The following CADPS variants were observed in gnomAD, a reference collection of about 807,000 sequenced individuals.
The protein encoded by CADPS is calcium-dependent secretion activator 1.
CADPS carries 57 observed loss-of-function variants against 167.3 expected under a neutral mutation model. The ratio of observed to expected loss-of-function variants is 0.34; its 90% CI spans 0.28 to 0.42. The LOEUF is 0.42. Ranked by LOEUF, CADPS falls within the 20% of genes least tolerant of loss-of-function variation. The probability of loss-of-function intolerance (pLI) is 1.00; values close to 1 mark genes in which losing one functional copy is unlikely to be tolerated. For synonymous variants in CADPS, 676 were observed against 635.3 expected (o/e 1.06, Z -0.96); for missense variants, 1,414 against 1,738.1 (o/e 0.81, Z 3.32).
rs2060045878 is a variant in CADPS, at chr3:62,602,031, A to C, written c.1326-9283T>G. On this transcript the variant is annotated intron_variant, in intron 6 of 29. Transcript: ENST00000383710. The surrounding 1 kb of genome is among the most constrained non-coding windows in gnomAD (Gnocchi z 4.4). ...CTCCTCAGACCATATGTTATCAACA[A>C]ATGTTGCTAATCAAATACACACAGT... Among the ~76,000 whole-genome samples, 1 of 152,140 alleles carries C rather than the reference A, an allele frequency of 6.6e-6. No homozygotes were observed. Among genetic ancestry groups the C allele is most frequent in the Non-Finnish European group, 1.5e-5 (1 of 68,038 alleles).
chr3:62,537,500 T>C (rs756946731), intron 11 of CADPS, among the ~76,000 whole-genome samples: 1 of 152,174 alleles, frequency 6.6e-6, no homozygotes, highest in African/African-American at 2.4e-5. Flanking sequence ...ATTAAAGAAA[T>C]TGGCTCACTC....
intron 21 of CADPS, among the ~76,000 whole-genome samples, chr3:62,489,343 G>A (rs1193383862): frequency 6.6e-6 from 1 of 152,084 alleles, no homozygotes; most frequent in Non-Finnish European, 1.5e-5. Flanking sequence ...TGTATTTTTA[G>A]TAGAGACGGG....
chr3:62,811,861 A>T (rs1057376246), intron 1 of CADPS, among the ~76,000 whole-genome samples: 7 of 152,326 alleles, frequency 4.6e-5, no homozygotes, highest in Admixed American at 4.6e-4. Context: ...ATTATGTGGG[A>T]GTATGAATTA....
At chr3:62,864,314 T>G (rs531132712) in intron 1 of CADPS, among the ~76,000 whole-genome samples, 3 of 152,160 alleles carry the variant, frequency 2.0e-5, no homozygotes, top group African/African-American at 2.4e-5. Flanking sequence ...GTAGAGATGT[T>G]AGTAGCTAAA....
At chr3:62,723,410 G>T (rs868173011) in intron 3 of CADPS, among the ~76,000 whole-genome samples, 55 of 152,212 alleles carry the variant, frequency 3.6e-4, no homozygotes, top group Admixed American at 9.8e-4. Context: ...GAGGAAAATG[G>T]ACACAGTGTA....
At chr3:62,649,543 CTT>C (rs369874258) in intron 5 of CADPS, among the ~76,000 whole-genome samples, 77 of 37,784 alleles carry the variant, frequency 2.0e-3, no homozygotes, top group African/African-American at 3.8e-3. Flanking sequence ...AATATGTGGT[CTT>C]TTTTTTTTTT....
intron 6 of CADPS, among the ~76,000 whole-genome samples, chr3:62,599,981 C>A (rs2059724106): frequency 8.8e-6 from 1 of 113,246 alleles, no homozygotes; most frequent in Middle Eastern, 4.3e-3. Context: ...GCACCCAACA[C>A]AGGGCCTGGA....
At chr3:62,584,667 TC>T (rs1259605182) in intron 8 of CADPS, among the ~76,000 whole-genome samples, 1 of 152,254 alleles carries the variant, frequency 6.6e-6, no homozygotes, top group East Asian at 1.9e-4. Flanking sequence ...TGGTCATTTT[TC>T]TCAAACCTTA....
At chr3:62,864,538 G>T (rs1178747638) in intron 1 of CADPS, among the ~76,000 whole-genome samples, 1 of 152,100 alleles carries the variant, frequency 6.6e-6, no homozygotes, top group Non-Finnish European at 1.5e-5. Context: ...CTGGTAATTT[G>T]CTGACAATCT....
At chr3:62,846,161 C>T (rs1191490380) in intron 1 of CADPS, among the ~76,000 whole-genome samples, 1 of 152,054 alleles carries the variant, frequency 6.6e-6, no homozygotes, top group Admixed American at 6.6e-5. Flanking sequence ...CCTCCCCAGC[C>T]TTGCCTCCTG....
intron 1 of CADPS, among the ~76,000 whole-genome samples, chr3:62,799,785 G>T (rs1441016523): frequency 1.3e-5 from 2 of 152,090 alleles, no homozygotes; most frequent in Non-Finnish European, 2.9e-5. Context: ...ATAAATGTTA[G>T]CCACTGTTAC....
chr3:62,700,829 G>T (rs2081255933), intron 3 of CADPS, among the ~76,000 whole-genome samples: 1 of 150,476 alleles, frequency 6.6e-6, no homozygotes. Flanking sequence ...CAGTCAGTTT[G>T]GGCTGCTATC....
chr3:62,809,242 C>A (rs897821072), intron 1 of CADPS, among the ~76,000 whole-genome samples: 1 of 152,160 alleles, frequency 6.6e-6, no homozygotes, highest in Admixed American at 6.5e-5. Flanking sequence ...AATCACGTTG[C>A]TCCTCCTGCC....
chr3:62,821,283 C>T (rs559708169), intron 1 of CADPS, among the ~76,000 whole-genome samples: 124 of 152,192 alleles, frequency 8.1e-4, no homozygotes, highest in African/African-American at 2.9e-3. Context: ...GCAGGCTCAC[C>T]TGGGTTCTCT....
At position 62,514,919 on chromosome 3, in the gene CADPS, C is replaced by A. The variant is rs959714026; in HGVS notation, c.2581+1140G>T. On this transcript the variant is annotated intron_variant, in intron 16 of 29. Coordinates refer to ENST00000383710, the MANE Select transcript of CADPS (RefSeq NM_003716.4). This position sits in a 1 kb window ranked among gnomAD's most constrained non-coding sequence, Gnocchi z 4.2. ...CATTACCAAGTCAAGAGTTGATAAA[C>A]ATCCTTTTGGTGCCCAATTCTTAAG... is the stretch of plus-strand genomic sequence containing the variant. Among the ~76,000 whole-genome samples, 1 of 152,108 alleles carries A rather than the reference C, an allele frequency of 6.6e-6. No individual in the cohort carries two copies. The highest frequency in any genetic ancestry group is 6.6e-5 in the Admixed American group (1 of 15,260).
Position 62,765,980 on chromosome 3 carries a change from C to A in CADPS, c.446G>T (p.Ser149Ile). Residue 149 changes from serine (S) to isoleucine (I), a missense_variant, in exon 2 of 30, where the codon AGC becomes ATC. Physicochemically the swap from Ser to Ile is moderately radical, Grantham distance 142. Coordinates refer to ENST00000383710, the MANE Select transcript of CADPS (RefSeq NM_003716.4). ...CTTGACTGTCTGCAGCTGCTGTTTG[C>A]TGATCTGTAAGAAACAGAAAAAGAG... ...TDMARRQQKI[S>I]KQQLQTVKDR... 7 of 1,607,982 alleles carry A rather than the reference C, an allele frequency of 4.4e-6. No homozygotes were observed. Among genetic ancestry groups the A allele is most frequent in the Non-Finnish European group, 5.1e-6 (6 of 1,174,712 alleles).
chr3:62,573,855 T>G (rs1391018880), intron 8 of CADPS, among the ~76,000 whole-genome samples: 1 of 152,238 alleles, frequency 6.6e-6, no homozygotes, highest in Non-Finnish European at 1.5e-5. Context: ...TCCTGCTTTC[T>G]AAATACTTAG....
chr3:62,463,734 T>C (rs994548485), intron 26 of CADPS, among the ~76,000 whole-genome samples: 4 of 152,118 alleles, frequency 2.6e-5, no homozygotes, highest in African/African-American at 9.7e-5. Context: ...GTTGGATAGG[T>C]TTCCTTTCAG....
At chr3:62,870,805 C>T (rs943629943) in intron 1 of CADPS, among the ~76,000 whole-genome samples, 1 of 152,140 alleles carries the variant, frequency 6.6e-6, no homozygotes, top group Non-Finnish European at 1.5e-5. Context: ...TACATTCCCT[C>T]ACTATAAGTA....
Sources: gnomAD v4.1 joint callset for allele counts (sites outside exome capture counted in the v4.1 genomes callset) on GRCh38, gnomAD v4.1.1 for gene constraint, Gnocchi (gnomAD v3.1) non-coding constraint, MANE v1.5 for transcripts, NCBI Gene and HGNC (gene_info 2026-07-23, HGNC 2026-07-21) for gene names.